Variants in TBC1D19 observed in about 807,000 individuals in gnomAD.
TBC1D19 encodes TBC1 domain family member 19.
In TBC1D19, 60 loss-of-function variants were observed where a neutral mutation model predicts 89.0. The ratio of observed to expected loss-of-function variants is 0.67; its 90% CI spans 0.55 to 0.84. The LOEUF is 0.84. Among genes scored for constraint, TBC1D19 ranks in the 40% least tolerant of loss-of-function variants. The probability of loss-of-function intolerance (pLI) is 0.00; values close to 1 mark genes in which losing one functional copy is unlikely to be tolerated. For missense variants in TBC1D19, 500 were observed against 610.8 expected, an observed-to-expected ratio of 0.82 and a Z score of 1.91; for synonymous variants, 189 against 199.7, an observed-to-expected ratio of 0.95 and a Z score of 0.45.
At chr4:26,670,217 A>AT (rs1321531123) in intron 9 of TBC1D19, among the ~76,000 whole-genome samples, 1 of 150,270 alleles carries the variant, frequency 6.7e-6, no homozygotes, top group East Asian at 1.9e-4. Context: ...GACTATATAT[A>AT]TTTTTATATA....
At chr4:26,699,446 A>T (rs1052633059) in intron 13 of TBC1D19, among the ~76,000 whole-genome samples, 20 of 152,166 alleles carry the variant, frequency 1.3e-4, no homozygotes, top group Admixed American at 3.9e-4. Flanking sequence ...ATTGTGGAAG[A>T]TAGTGTGGCG....
At chr4:26,836,927 T>A in the TBC1D19 span, among the ~76,000 whole-genome samples, 2 of 152,202 alleles carry the variant, frequency 1.3e-5, no homozygotes, top group Non-Finnish European at 2.9e-5. Flanking sequence ...GGAAATCAAT[T>A]CACTGTATCA....
At chr4:26,624,181 G>A (rs567020207) in intron 4 of TBC1D19, among the ~76,000 whole-genome samples, 30 of 152,062 alleles carry the variant, frequency 2.0e-4, no homozygotes, top group Non-Finnish European at 3.8e-4. Flanking sequence ...TCCTGTCCTG[G>A]AAAGCCCTTT....
At chr4:26,820,830 T>C in the TBC1D19 span, among the ~76,000 whole-genome samples, 1 of 152,228 alleles carries the variant, frequency 6.6e-6, no homozygotes, top group African/African-American at 2.4e-5. Flanking sequence ...CCATAAAATA[T>C]ATTATATGTT....
rs922151383 is a variant in TBC1D19 at position 26,590,272 on chromosome 4, T to G, written c.99+5980T>G. 5.9e-5 allele frequency among the ~76,000 whole-genome samples: 9 copies of G among 152,322 alleles called. No homozygotes were observed. In the East Asian group the frequency reaches 1.7e-3, roughly 29 times the overall value. On this transcript the variant is annotated intron_variant, in intron 1 of 20. Transcript: ENST00000264866. ...TTCAGAATGTATGATTTTTGAATAT[T>G]GTACTGTTTTTCTTATTTGGCTGGG...
chr4:26,596,031 T>A (rs34832881), intron 1 of TBC1D19, among the ~76,000 whole-genome samples: 60,971 of 151,904 alleles, frequency 0.4, 12,747 homozygotes, highest in Non-Finnish European at 0.47. Context: ...ATCTTAGCTC[T>A]CTGCAACCTC....
chr4:26,637,965 A>T (rs1408173231), intron 5 of TBC1D19, among the ~76,000 whole-genome samples: 1 of 152,178 alleles, frequency 6.6e-6, no homozygotes, highest in Non-Finnish European at 1.5e-5. Flanking sequence ...GAGTTCAGGC[A>T]TACTGTGATC....
chr4:26,778,744 C>T, the TBC1D19 span, among the ~76,000 whole-genome samples: 2 of 152,148 alleles, frequency 1.3e-5, no homozygotes, highest in East Asian at 3.9e-4. Flanking sequence ...ACTGAAGAAT[C>T]TCAGTTGCTC....
At chr4:26,764,954 T>C in the TBC1D19 span, among the ~76,000 whole-genome samples, 1 of 152,014 alleles carries the variant, frequency 6.6e-6, no homozygotes, top group Non-Finnish European at 1.5e-5. Context: ...ATAGCTGAAA[T>C]AGGGTAGAAG....
intron 6 of TBC1D19, among the ~76,000 whole-genome samples, chr4:26,639,735 A>G (rs1743369364): frequency 1.3e-5 from 2 of 152,212 alleles, no homozygotes; most frequent in Admixed American, 6.5e-5. Context: ...GATAAATACC[A>G]TAATAGAGTT....
chr4:26,792,524 G>T, the TBC1D19 span, among the ~76,000 whole-genome samples: 3 of 152,176 alleles, frequency 2.0e-5, no homozygotes, highest in Admixed American at 6.5e-5. Flanking sequence ...CGAATATGGG[G>T]TCAGGAAAAG....
chr4:26,664,628 CTT>C (rs34385885), intron 8 of TBC1D19, among the ~76,000 whole-genome samples: 88 of 136,034 alleles, frequency 6.5e-4, no homozygotes, highest in Admixed American at 6.7e-4. Context: ...AGATGCAGTA[CTT>C]TTTTTTTTTT....
intron 4 of TBC1D19, among the ~76,000 whole-genome samples, chr4:26,627,986 C>A (rs1577831809): frequency 1.3e-5 from 2 of 152,246 alleles, no homozygotes; most frequent in African/African-American, 4.8e-5. Flanking sequence ...AATGGTAATG[C>A]CTAGGTTTTC....
intron 13 of TBC1D19, 26 bp downstream of exon 13, chr4:26,688,433 G>C: frequency 2.0e-6 from 3 of 1,517,432 alleles, no homozygotes; most frequent in Non-Finnish European, 2.7e-6. Flanking sequence ...AAAATACATA[G>C]TGTTCTTGTT....
At chr4:26,596,902 A>AAAG (rs972607502) in intron 1 of TBC1D19, among the ~76,000 whole-genome samples, 8 of 152,210 alleles carry the variant, frequency 5.3e-5, no homozygotes, top group African/African-American at 1.7e-4. Flanking sequence ...AGATACTTTA[A>AAAG]AAGATATTTT....
At position 26,588,492 on chromosome 4, in the gene TBC1D19, AT is replaced by A. The variant is rs1340163060; in HGVS notation, c.99+4203del. 7.2e-5 allele frequency among the ~76,000 whole-genome samples: 11 copies of A among 151,934 alleles called. No individual in the cohort carries two copies. The East Asian group carries it at 2.1e-3, about 29-fold the overall frequency. On this transcript the variant is annotated intron_variant, in intron 1 of 20. Coordinates refer to ENST00000264866, the MANE Select transcript of TBC1D19 (RefSeq NM_018317.4). The stretch of plus-strand genomic sequence containing the variant: ...GGATTTAATTTGCATTTTTAAAGCT[AT>A]TTAGGTGAAATTTAAATTTTTGATT...
At chr4:26,585,243 A>G (rs1313972588) in intron 1 of TBC1D19, 3 of 428,672 alleles carry the variant, frequency 7.0e-6, no homozygotes, top group African/African-American at 4.1e-5. Flanking sequence ...TGGCTGTATC[A>G]TTTTCCATTC....
chr4:26,857,536 G>C, the TBC1D19 span: 2,726 of 152,328 alleles, frequency 0.018, 60 homozygotes, highest in South Asian at 0.057. Context: ...CGCCGCGCCC[G>C]CCCACGCGGT....
the TBC1D19 span, among the ~76,000 whole-genome samples, chr4:26,846,654 C>T: frequency 2.0e-5 from 3 of 152,082 alleles, no homozygotes; most frequent in African/African-American, 7.2e-5. Context: ...AATTATTTCC[C>T]ATCAAGATTA....
Sources: allele counts gnomAD v4.1 joint callset (sites outside exome capture counted in the v4.1 genomes callset), GRCh38; gene constraint gnomAD v4.1.1; transcripts MANE v1.5; gene names NCBI Gene and HGNC (gene_info 2026-07-23, HGNC 2026-07-21).